The following WDR36 variants were observed in gnomAD, a reference collection of about 807,000 sequenced individuals.
WDR36 encodes WD repeat domain 36.
WDR36 carries 63 observed loss-of-function variants against 112.7 expected under a neutral mutation model. That is an observed-to-expected ratio of 0.56 (90% CI 0.46 to 0.69). The LOEUF is 0.69. Ranked by LOEUF, WDR36 falls within the 30% of genes least tolerant of loss-of-function variation. The pLI is 0.00. For missense variants in WDR36, 1,226 were observed against 1,070.3 expected (o/e 1.15, Z -2.03); for synonymous variants, 410 against 362.2 (o/e 1.13, Z -1.50).
chr5:111,115,900 T>C (rs1374238163), intron 16 of WDR36, among the ~76,000 whole-genome samples: 2 of 152,148 alleles, frequency 1.3e-5, no homozygotes, highest in African/African-American at 4.8e-5. Context: ...CCACCTTTTA[T>C]GTCTGGTTGT....
At chr5:111,095,865 C>G (rs1437622303) in intron 2 of WDR36, among the ~76,000 whole-genome samples, 1 of 151,132 alleles carries the variant, frequency 6.6e-6, no homozygotes, top group East Asian at 1.9e-4. Flanking sequence ...TTTTTTTAAA[C>G]TATCTAATAG....
chr5:111,125,615 T>A lies in WDR36; in HGVS notation c.2358T>A (p.Thr786=). 6.2e-7 allele frequency: 1 copy of A among 1,613,428 alleles called. No individual in the cohort carries two copies. Among genetic ancestry groups the A allele is most frequent in the South Asian group, 1.1e-5 (1 of 91,030 alleles). The part of the protein sequence containing the change: ...EEGLVNNKYD[T]ALNLLKESGP... ...GATTAAAATTTAATGCAGATGACAC[T>A]GCTCTCAACCTTCTGAAAGAATCAG... The change falls in exon 22 of 23, where the codon ACT becomes ACA. Residue 786 remains threonine, a synonymous_variant. Transcript: ENST00000513710.
rs558023673 is a variant in WDR36, at chr5:111,120,486, G to C, written c.1905-10G>C. 2.5e-6 allele frequency: 4 copies of C among 1,602,996 alleles called. No homozygotes were observed. The highest frequency in any genetic ancestry group is 2.6e-6 in the Non-Finnish European group (3 of 1,170,836). On this transcript the variant is annotated splice_polypyrimidine_tract_variant and intron_variant, in intron 17 of 22. Coordinates refer to ENST00000513710, the MANE Select transcript of WDR36 (RefSeq NM_139281.3). ...ATTTTTAAAATATTGCTTATGTTTT[G>C]ATTTTTCAGGTCCAATATTTCCCTG... is the stretch of plus-strand genomic sequence containing the variant.
chr5:111,129,525 TA>T lies in WDR36; in HGVS notation c.*2644del, dbSNP rs747448169. On this transcript the variant is annotated 3_prime_UTR_variant, in exon 23 of 23. Transcript: ENST00000513710. ...TATTTTAGAACATATAAACATTTGT[TA>T]ATTTTCTTTTTCCTCTCATTTTTCT... 30 of 198,040 alleles carry T rather than the reference TA, an allele frequency of 1.5e-4. No individual in the cohort carries two copies. Among genetic ancestry groups the T allele is most frequent in the Non-Finnish European group, 2.9e-4 (28 of 95,712 alleles). 12.3% of individuals were successfully genotyped at this position (198,040 alleles called of 1,614,324 possible).
At chr5:111,092,706 AT>A (rs1580387368) in intron 1 of WDR36, 88 bp downstream of exon 1, 1 of 1,411,474 alleles carries the variant, frequency 7.1e-7, no homozygotes, top group Non-Finnish European at 9.7e-7. Context: ...CTCCCTTCCC[AT>A]TTACCACGGG....
At chr5:111,113,214 G>T in intron 16 of WDR36, 61 bp downstream of exon 16, 3 of 1,090,460 alleles carry the variant, frequency 2.8e-6, no homozygotes, top group East Asian at 2.6e-5. Context: ...TTTTTCACAT[G>T]TGACTTTTAC....
chr5:111,097,661 A>G (rs952674140), intron 3 of WDR36, among the ~76,000 whole-genome samples: 3 of 152,236 alleles, frequency 2.0e-5, no homozygotes, highest in Admixed American at 6.5e-5. Context: ...TGTTTTCTCC[A>G]CTGCTAAGGA....
At position 111,092,480 on chromosome 5, in the gene WDR36, C is replaced by T. The variant is rs752120182; in HGVS notation, c.24C>T (p.Arg8=). The T allele has an allele frequency of 2.5e-6, 4 of 1,614,240 alleles. No individual in the cohort carries two copies. In the South Asian group the frequency reaches 4.4e-5, roughly 18 times the overall value. The change falls in exon 1 of 23, where the codon CGC becomes CGT. Residue 8 remains arginine, a synonymous_variant. Coordinates refer to ENST00000513710, the MANE Select transcript of WDR36 (RefSeq NM_139281.3). ...CAATGGAACGGGCCTCAGAAAGGCG[C>T]ACGGCCAGCGCGCTTTTTGCGGGGT... The part of the protein sequence containing the change: MERASER[R]TASALFAGFR...
At position 111,128,267 on chromosome 5, in the gene WDR36, G is replaced by A. The variant is rs1229487090; in HGVS notation, c.*1384G>A. The A allele has an allele frequency of 5.3e-6, 1 of 188,608 alleles. No individual in the cohort carries two copies. Among genetic ancestry groups the A allele is most frequent in the African/African-American group, 2.3e-5 (1 of 42,816 alleles). The allele number at this position is 188,608 out of a possible 1,614,324, so 11.7% of individuals were successfully genotyped here. A position where few individuals can be genotyped will look rare whatever the true frequency, so the allele number is the denominator to read the frequency against. On this transcript the variant is annotated 3_prime_UTR_variant, in exon 23 of 23. Coordinates refer to ENST00000513710, the MANE Select transcript of WDR36 (RefSeq NM_139281.3). ...GAGTTTTGTAGAATGATCTCCAAAA[G>A]AAGCAGTCCTCAAAAGGCATTTACC... is the stretch of plus-strand genomic sequence containing the variant.
chr5:111,094,165 A>G lies in WDR36; in HGVS notation c.163-755A>G, dbSNP rs376796095. Among the ~76,000 whole-genome samples the G allele has an allele frequency of 4.6e-5, 7 of 152,338 alleles. 1 individual carries two copies. The highest frequency in any genetic ancestry group is 1.9e-4 in the East Asian group (1 of 5,186). On this transcript the variant is annotated intron_variant, in intron 1 of 22. Coordinates refer to ENST00000513710, the MANE Select transcript of WDR36 (RefSeq NM_139281.3). ...ACAGATTAGTTTCTTCTACAGGGGA[A>G]ACTAGACAAGTTGTGAATAGGTGGT...
At chr5:111,095,268 G>A (rs1752951054) in intron 2 of WDR36, 2 of 265,384 alleles carry the variant, frequency 7.5e-6, no homozygotes, top group Non-Finnish European at 1.4e-5. Context: ...TTCAGGATTA[G>A]ATTTAGGTTG....
chr5:111,097,837 G>T (rs1753024516), intron 3 of WDR36, among the ~76,000 whole-genome samples: 2 of 152,230 alleles, frequency 1.3e-5, no homozygotes, highest in Non-Finnish European at 2.9e-5. Context: ...GGGACTTGGA[G>T]TGAGGTGGTT....
At chr5:111,114,921 A>G (rs1371620421) in intron 16 of WDR36, among the ~76,000 whole-genome samples, 2 of 152,206 alleles carry the variant, frequency 1.3e-5, no homozygotes, top group Non-Finnish European at 2.9e-5. Flanking sequence ...GCAATGTATT[A>G]TAAGTGGTAA....
At chr5:111,100,788 A>G in intron 5 of WDR36, 67 bp downstream of exon 5, 3 of 1,486,830 alleles carry the variant, frequency 2.0e-6, no homozygotes, top group South Asian at 1.2e-5. Flanking sequence ...CCTAATGTAT[A>G]CTTAAGTCTC....
chr5:111,104,416 T>C, intron 8 of WDR36, 64 bp downstream of exon 8: 2 of 1,597,536 alleles, frequency 1.3e-6, no homozygotes, highest in Non-Finnish European at 1.7e-6. Flanking sequence ...TATTACAAGC[T>C]TGTTTTAATG....
In WDR36 at chr5:111,123,796, C is replaced by T. The variant is rs749624428; in HGVS notation, c.2149-9C>T. The T allele has an allele frequency of 6.2e-7, 1 of 1,613,130 alleles. No individual in the cohort carries two copies. Among genetic ancestry groups the T allele is most frequent in the Non-Finnish European group, 8.5e-7 (1 of 1,179,700 alleles). ...TTCCTATTTTTCTTTCTCATTTTCTCTTAATCAGAAAAAGAATAAACCAAA... is the reference window on the plus strand; with the variant it reads ...TTCCTATTTTTCTTTCTCATTTTCTTTTAATCAGAAAAAGAATAAACCAAA... On this transcript the variant is annotated splice_polypyrimidine_tract_variant and intron_variant, in intron 19 of 22. Transcript: ENST00000513710.
At chr5:111,092,813 T>C (rs1453628282) in intron 1 of WDR36, among the ~76,000 whole-genome samples, 195 bp downstream of exon 1, 1 of 152,260 alleles carries the variant, frequency 6.6e-6, no homozygotes, top group Non-Finnish European at 1.5e-5. Context: ...TGGGGCGTGT[T>C]TCAGAGGCAG....
chr5:111,108,903 G>T (rs1271073737), intron 12 of WDR36, among the ~76,000 whole-genome samples: 1 of 151,204 alleles, frequency 6.6e-6, no homozygotes, highest in African/African-American at 2.4e-5. Context: ...CTGGAGTTGA[G>T]TCATTTTTCT....
At chr5:111,096,695 C>G (rs942788638) in intron 2 of WDR36, among the ~76,000 whole-genome samples, 1 of 151,446 alleles carries the variant, frequency 6.6e-6, no homozygotes, top group Non-Finnish European at 1.5e-5. Context: ...CACAGCAAGA[C>G]TCCGTCTCTC....
Sources: gnomAD v4.1 joint callset for allele counts (sites outside exome capture counted in the v4.1 genomes callset) on GRCh38, gnomAD v4.1.1 for gene constraint, MANE v1.5 for transcripts, NCBI Gene and HGNC (gene_info 2026-07-23, HGNC 2026-07-21) for gene names.